The following UVSSA variants were observed in gnomAD, a reference collection of about 807,000 sequenced individuals.
UVSSA encodes the protein UV stimulated scaffold protein A.
In UVSSA, 72 loss-of-function variants were observed where a neutral mutation model predicts 73.9. That is an observed-to-expected ratio of 0.97 (90% CI 0.81 to 1.19). The LOEUF (loss-of-function observed/expected upper bound fraction) is 1.19, where lower values mean the gene tolerates loss of function less well. UVSSA is among the 50% of genes most tolerant of loss of function. The pLI is 0.00. For missense variants in UVSSA, 1,150 were observed against 965.0 expected, an observed-to-expected ratio of 1.19 and a Z score of -2.54; for synonymous variants, 454 against 391.3, an observed-to-expected ratio of 1.16 and a Z score of -1.89.
intron 10 of UVSSA, among the ~76,000 whole-genome samples, chr4:1,378,445 C>G (rs574639654): frequency 1.3e-5 from 2 of 152,104 alleles, no homozygotes; most frequent in Non-Finnish European, 2.9e-5. Context: ...CCCAGCTACT[C>G]GAGACTGAGG....
At chr4:1,352,903 C>G in intron 4 of UVSSA, 127 bp from the exon 5 acceptor site, 1 of 1,289,528 alleles carries the variant, frequency 7.8e-7, no homozygotes, top group Non-Finnish European at 1.0e-6. Flanking sequence ...TGTGATTGCA[C>G]CACTGCATTC....
intron 7 of UVSSA, among the ~76,000 whole-genome samples, chr4:1,360,317 G>A (rs1336826009): frequency 2.6e-5 from 4 of 152,314 alleles, no homozygotes; most frequent in East Asian, 1.9e-4. Context: ...GGCTTTCACC[G>A]TCCCTCAGTA....
At chr4:1,384,592 C>T (rs549185769) in intron 13 of UVSSA, 3 of 152,458 alleles carry the variant, frequency 2.0e-5, no homozygotes, top group South Asian at 2.1e-4. Flanking sequence ...TTGCCTTGTT[C>T]TCGCCTAAGA....
intron 8 of UVSSA, among the ~76,000 whole-genome samples, chr4:1,366,746 C>G (rs546828582): frequency 6.6e-6 from 1 of 152,142 alleles, no homozygotes; most frequent in Non-Finnish European, 1.5e-5. Flanking sequence ...CTCAGGTGCC[C>G]GGGTCTGGGA....
intron 7 of UVSSA, among the ~76,000 whole-genome samples, chr4:1,360,827 G>A (rs569589596): frequency 1.3e-5 from 2 of 152,306 alleles, no homozygotes; most frequent in East Asian, 1.9e-4. Flanking sequence ...AAGTCATTCC[G>A]CTCTCCACTG....
At chr4:1,370,640 A>T (rs771372895) in intron 8 of UVSSA, among the ~76,000 whole-genome samples, 27 of 152,366 alleles carry the variant, frequency 1.8e-4, no homozygotes, top group Middle Eastern at 6.8e-3. Context: ...CTCCACGTGT[A>T]GATGGTGGGT....
chr4:1,388,785 G>C (rs934831528), downstream of UVSSA: 9 of 152,174 alleles, frequency 5.9e-5, no homozygotes, highest in African/African-American at 1.9e-4. Context: ...AACCGACCTT[G>C]CATTCATGGG....
In UVSSA at chr4:1,380,921, ACGGC is replaced by A. The variant is rs1179573691; in HGVS notation, c.1797_1800del (p.Pro600SerfsTer27). On this transcript the variant is annotated frameshift_variant, in exon 12 of 14. Transcript: ENST00000389851. LOFTEE classifies it high-confidence loss of function. ...AGATTGTTCCACGGGACGACGAAGG[ACGGC>A]CGCTCGACCCGGAAGACAGGGCTCG... is the stretch of plus-strand genomic sequence containing the variant. 2 of 1,612,884 alleles carry A rather than the reference ACGGC, an allele frequency of 1.2e-6. No individual in the cohort carries two copies. The highest frequency in any genetic ancestry group is 2.7e-5 in the African/African-American group (2 of 74,900).
chr4:1,375,268 GCTAACGCATAGGCGCGTC>G (rs1560473347), intron 8 of UVSSA, 78 bp from the exon 9 acceptor site: 1 of 1,553,082 alleles, frequency 6.4e-7, no homozygotes, highest in African/African-American at 1.3e-5. Flanking sequence ...GATGGAACAC[GCTAACGCATAGGCGCGTC>G]CTAACTGCCC....
chr4:1,355,076 G>C (rs1048943340), intron 6 of UVSSA, 41 bp from the exon 7 acceptor site: 5 of 1,605,508 alleles, frequency 3.1e-6, no homozygotes, highest in Admixed American at 1.7e-5. Flanking sequence ...CCCAGGTCCT[G>C]CCCGGCCGGC....
intron 8 of UVSSA, among the ~76,000 whole-genome samples, chr4:1,373,724 A>C (rs569306790): frequency 1.3e-5 from 2 of 152,144 alleles, no homozygotes; most frequent in Non-Finnish European, 2.9e-5. Context: ...ATTTTAGAAG[A>C]GACGAGGATG....
intron 1 of UVSSA, 138 bp from the exon 2 acceptor site, chr4:1,347,952 G>A: frequency 1.4e-6 from 1 of 690,668 alleles, no homozygotes; most frequent in African/African-American, 1.8e-5. Flanking sequence ...TTCCCAGAGA[G>A]GCACCCACAG....
At chr4:1,351,238 G>A (rs1280477810) in intron 3 of UVSSA, among the ~76,000 whole-genome samples, 1 of 149,322 alleles carries the variant, frequency 6.7e-6, no homozygotes, top group Admixed American at 6.7e-5. Flanking sequence ...GCTAATTTTT[G>A]TATTTTTAGT....
intron 2 of UVSSA, 23 bp downstream of exon 2, chr4:1,348,212 A>G (rs1453460342): frequency 2.5e-6 from 4 of 1,573,684 alleles, no homozygotes; most frequent in Admixed American, 3.3e-5. Context: ...GTTCAGTAAC[A>G]GTAACTGACT....
In UVSSA at chr4:1,385,961, G is replaced by A. The variant is rs773754664; in HGVS notation, c.2130G>A (p.Ter710=). 1 of 1,613,986 alleles carries A rather than the reference G, an allele frequency of 6.2e-7. No individual in the cohort carries two copies. The highest frequency in any genetic ancestry group is 1.1e-5 in the South Asian group (1 of 91,084). ...FSNQFNYALN[*] ...ACCAGTTTAACTACGCACTGAACTA[G>A]AGAGCGGGGCCCAGTGCACTGGCCA... Residue 710 remains the stop codon, a stop_retained_variant, in exon 14 of 14, where the codon TAG becomes TAA. Coordinates refer to ENST00000389851, the MANE Select transcript of UVSSA (RefSeq NM_020894.4).
rs146707795 is a variant in UVSSA, at chr4:1,394,899, C to T, written c.*8938C>T. The T allele has an allele frequency of 2.2e-5, 33 of 1,480,870 alleles. 1 individual carries two copies. The highest frequency in any genetic ancestry group is 1.9e-4 in the African/African-American group (11 of 57,348). The allele number at this position is 1,480,870 out of a possible 1,614,324, so 91.7% of individuals were successfully genotyped here. ...GATGCGGAGTGCCCGCCTGCTCACA[C>T]GTGCCCATGCGGAGTGCCCGCCTGC... On this transcript the variant is annotated 3_prime_UTR_variant, in exon 14 of 14. Transcript: ENST00000511216.
Position 1,383,777 on chromosome 4 carries a change from C to G in UVSSA, c.1873C>G (p.Pro625Ala), listed in dbSNP as rs1326358993. Residue 625 changes from proline to alanine, a missense_variant, in exon 13 of 14, where the codon CCT becomes GCT. Pro to Ala is a conservative substitution (Grantham distance 27, BLOSUM62 -1). Coordinates refer to ENST00000389851, the MANE Select transcript of UVSSA (RefSeq NM_020894.4). ...QKQERPEWQD[P>A]ELMRDVEAAT... ...AGTTTTGTTTGCAGAATGGCAGGAC[C>G]CTGAGTTGATGAGAGACGTGGAAGC... 6.2e-7 allele frequency: 1 copy of G among 1,613,362 alleles called. No individual in the cohort carries two copies.
intron 8 of UVSSA, 66 bp from the exon 9 acceptor site, chr4:1,375,298 G>A (rs749758840): frequency 1.4e-5 from 22 of 1,597,116 alleles, no homozygotes; most frequent in Non-Finnish European, 1.8e-5. Context: ...TAACTGCCCG[G>A]TCTTGCCTGA....
At chr4:1,394,521 C>T in exon 14 of UVSSA, 2 of 1,613,336 alleles carry the variant, frequency 1.2e-6, no homozygotes, top group African/African-American at 1.3e-5. Context: ...TATGCATGAG[C>T]CCTCGCTTTG....
Sources: allele counts gnomAD v4.1 joint callset (sites outside exome capture counted in the v4.1 genomes callset), GRCh38; gene constraint gnomAD v4.1.1; transcripts MANE v1.5; gene names NCBI Gene and HGNC (gene_info 2026-07-23, HGNC 2026-07-21).